Variants in RABEP1 observed in about 807,000 individuals in gnomAD.
The protein encoded by RABEP1 is rabaptin, RAB GTPase binding effector protein 1.
A neutral mutation model predicts 123.4 loss-of-function variants in RABEP1; 51 were observed. The observed-to-expected ratio is 0.41, with a 90% CI of 0.33 to 0.52. The LOEUF is 0.52. RABEP1 is among the 20% of genes least tolerant of loss of function. The pLI is 0.16. For synonymous variants in RABEP1, 347 were observed against 355.2 expected, an observed-to-expected ratio of 0.98 and a Z score of 0.26; for missense variants, 888 against 996.3, an observed-to-expected ratio of 0.89 and a Z score of 1.46.
chr17:5,367,394 C>T (rs1198357412), intron 11 of RABEP1, among the ~76,000 whole-genome samples: 5 of 151,718 alleles, frequency 3.3e-5, no homozygotes, highest in Non-Finnish European at 7.4e-5. Flanking sequence ...GCCTCAGCCT[C>T]CTGAGTAGCT....
chr17:5,306,204 A>G (rs963132495), intron 1 of RABEP1, among the ~76,000 whole-genome samples: 2 of 152,056 alleles, frequency 1.3e-5, no homozygotes, highest in South Asian at 2.1e-4. Flanking sequence ...CAGCTGGGCA[A>G]AATCTTCTAA....
At chr17:5,290,999 G>A (rs770041438) in intron 1 of RABEP1, among the ~76,000 whole-genome samples, 2 of 152,150 alleles carry the variant, frequency 1.3e-5, no homozygotes, top group Non-Finnish European at 2.9e-5. Flanking sequence ...CCAGGTTGCC[G>A]TGACTATTTT....
At chr17:5,367,968 G>A (rs1372521091) in intron 11 of RABEP1, among the ~76,000 whole-genome samples, 1 of 150,620 alleles carries the variant, frequency 6.6e-6, no homozygotes, top group Non-Finnish European at 1.5e-5. Context: ...TGCAGGCCAG[G>A]CTGGTCTCGA....
chr17:5,300,350 T>A (rs2075124985), intron 1 of RABEP1, among the ~76,000 whole-genome samples: 1 of 152,180 alleles, frequency 6.6e-6, no homozygotes, highest in Admixed American at 6.5e-5. Flanking sequence ...CTGTGTGATG[T>A]TTTTCTCATG....
At chr17:5,316,602 G>A (rs1008606812) in intron 2 of RABEP1, among the ~76,000 whole-genome samples, 2 of 151,800 alleles carry the variant, frequency 1.3e-5, no homozygotes, top group Admixed American at 6.6e-5. Flanking sequence ...GGAGGCCAAG[G>A]TGGGCGGATT....
At chr17:5,352,893 A>G (rs1012688583) in intron 7 of RABEP1, among the ~76,000 whole-genome samples, 7 of 152,154 alleles carry the variant, frequency 4.6e-5, no homozygotes, top group Non-Finnish European at 1.0e-4. Context: ...AAACTTTTCA[A>G]CATTTATTGA....
At chr17:5,345,861 T>G (rs1908022428) in intron 5 of RABEP1, among the ~76,000 whole-genome samples, 1 of 152,214 alleles carries the variant, frequency 6.6e-6, no homozygotes, top group African/African-American at 2.4e-5. Context: ...TATAACCATT[T>G]GAAAAAGTTG....
At chr17:5,340,643 A>AAG (rs2144622194) in intron 5 of RABEP1, among the ~76,000 whole-genome samples, 1 of 151,748 alleles carries the variant, frequency 6.6e-6, no homozygotes, top group East Asian at 1.9e-4. Context: ...GATCTTTAAA[A>AAG]AAAAAAAAAA....
chr17:5,287,144 G>T (rs572609139), intron 1 of RABEP1, among the ~76,000 whole-genome samples: 6 of 152,304 alleles, frequency 3.9e-5, no homozygotes, highest in African/African-American at 1.4e-4. Context: ...CGAGGTGGAG[G>T]CAGATCTTCT....
At position 5,379,704 on chromosome 17, in the gene RABEP1, C is replaced by T. The variant is rs140465991; in HGVS notation, c.2272-660C>T. Among the ~76,000 whole-genome samples, 430 of 152,316 alleles carry T rather than the reference C, an allele frequency of 2.8e-3. 4 individuals are homozygous for T. Among genetic ancestry groups the T allele is most frequent in the Non-Finnish European group, 4.8e-3 (324 of 68,026 alleles). ...TGGCTTATTGTAACAGCCTAACTTT[C>T]CCTGCCTCCAAAATTTGTCCCTAAA... On this transcript the variant is annotated intron_variant, in intron 15 of 17. Transcript: ENST00000537505.
At chr17:5,369,671 C>G (rs866569768) in intron 12 of RABEP1, among the ~76,000 whole-genome samples, 1 of 151,998 alleles carries the variant, frequency 6.6e-6, no homozygotes, top group African/African-American at 2.4e-5. Context: ...TACACTCCTT[C>G]GACCCCTTGC....
intron 2 of RABEP1, among the ~76,000 whole-genome samples, chr17:5,315,986 A>G (rs767108117): frequency 1.2e-4 from 19 of 152,268 alleles, no homozygotes; most frequent in Non-Finnish European, 2.5e-4. Flanking sequence ...GAGATACTTC[A>G]TAAACACCAT....
chr17:5,361,804 T>G, intron 9 of RABEP1, 129 bp downstream of exon 9: 1 of 740,814 alleles, frequency 1.3e-6, no homozygotes, highest in South Asian at 1.9e-5. Context: ...CAAGTGGATA[T>G]TAACGTGTGT....
At chr17:5,378,388 C>T (rs1262232863) in intron 15 of RABEP1, 156 bp downstream of exon 15, 1 of 727,638 alleles carries the variant, frequency 1.4e-6, no homozygotes, top group Non-Finnish European at 2.5e-6. Flanking sequence ...TAAGGGTGTG[C>T]TGGTGATTTA....
chr17:5,283,874 T>G (rs79391571), intron 1 of RABEP1: 1,708 of 152,382 alleles, frequency 0.011, 16 homozygotes, highest in Non-Finnish European at 0.018. Flanking sequence ...CTTTGCTGTT[T>G]CTGTTCCAGG....
At chr17:5,334,310 C>T (rs1455366993) in intron 3 of RABEP1, among the ~76,000 whole-genome samples, 1 of 152,030 alleles carries the variant, frequency 6.6e-6, no homozygotes, top group Non-Finnish European at 1.5e-5. Flanking sequence ...CGGCTCACTG[C>T]AACCTCTGCC....
rs773807425 is a variant in RABEP1 at position 5,361,354 on chromosome 17, G to A, written c.1242G>A (p.Ser414=). 3.1e-6 allele frequency: 5 copies of A among 1,614,030 alleles called. No homozygotes were observed. Among genetic ancestry groups the A allele is most frequent in the South Asian group, 2.2e-5 (2 of 91,054 alleles). Residue 414 remains serine (S), a synonymous_variant, in exon 9 of 18, where the codon TCG becomes TCA. Coordinates refer to ENST00000537505, the MANE Select transcript of RABEP1 (RefSeq NM_004703.6). ...RAQSTDSLGT[S]GSLQSKALGY... ...AGTCTACAGACAGCTTGGGAACCTC[G>A]GGCTCATTGCAATCCAAAGCTTTAG...
At position 5,302,532 on chromosome 17, in the gene RABEP1, C is replaced by T. The variant is rs908666785; in HGVS notation, c.35-6162C>T. ...CTGGGATTACAGTCATGAGCCACCA[C>T]ACCCGGCCAGCTTACCTTAGTCTAT... On this transcript the variant is annotated intron_variant, in intron 1 of 17. Coordinates refer to ENST00000537505, the MANE Select transcript of RABEP1 (RefSeq NM_004703.6). Among the ~76,000 whole-genome samples, 28 of 151,804 alleles carry T rather than the reference C, an allele frequency of 1.8e-4. 1 individual carries two copies. The highest frequency in any genetic ancestry group is 1.8e-4 in the Non-Finnish European group (12 of 67,944).
At chr17:5,296,742 TTTC>T (rs1353052730) in intron 1 of RABEP1, among the ~76,000 whole-genome samples, 3 of 152,290 alleles carry the variant, frequency 2.0e-5, no homozygotes, top group East Asian at 3.9e-4. Context: ...TCAATTTTAT[TTTC>T]TTTTTGTTTT....
Sources: gnomAD v4.1 joint callset for allele counts (sites outside exome capture counted in the v4.1 genomes callset) on GRCh38, gnomAD v4.1.1 for gene constraint, MANE v1.5 for transcripts, NCBI Gene and HGNC (gene_info 2026-07-23, HGNC 2026-07-21) for gene names.